CIB1: variants seen among roughly 807,000 people sequenced by gnomAD.
The protein encoded by CIB1 is calcium and integrin binding 1.
CIB1 carries 19 observed loss-of-function variants against 25.0 expected under a neutral mutation model. That is an observed-to-expected ratio of 0.76 (90% CI 0.53 to 1.12). The LOEUF (loss-of-function observed/expected upper bound fraction) is 1.12. Among genes scored for constraint, CIB1 ranks in the 50% most tolerant of loss-of-function variants. The pLI is 0.00. For missense variants in CIB1, 236 were observed against 242.6 expected (o/e 0.97, Z 0.18); for synonymous variants, 104 against 98.5 (o/e 1.06, Z -0.33).
the CIB1 span, chr15:90,241,446 C>T: frequency 5.0e-6 from 8 of 1,613,416 alleles, no homozygotes; most frequent in Admixed American, 1.7e-5. Flanking sequence ...GCTCCCCCAG[C>T]GCCTGCTGCC....
At chr15:90,253,498 C>G in the CIB1 span, 1 of 523,346 alleles carries the variant, frequency 1.9e-6, no homozygotes, top group Non-Finnish European at 3.4e-6. Flanking sequence ...AAGACCACCC[C>G]CAGGGTCTTC....
chr15:90,260,534 G>A, the CIB1 span, among the ~76,000 whole-genome samples: 1 of 151,476 alleles, frequency 6.6e-6, no homozygotes, highest in Non-Finnish European at 1.5e-5. Flanking sequence ...AAATATTGTT[G>A]CATTATTTCA....
Position 90,233,894 on chromosome 15 carries a change from C to T in CIB1, c.-9G>A. On this transcript the variant is annotated 5_prime_UTR_variant, in exon 1 of 7. Coordinates refer to ENST00000328649, the MANE Select transcript of CIB1 (RefSeq NM_006384.4). ...CTGCCCGAGCCCCCCATCGCCCCGC[C>T]GCGCGCACAGCTCCGCCAACTCGCC... The T allele has an allele frequency of 6.8e-7, 1 of 1,466,816 alleles. No individual in the cohort carries two copies. The highest frequency in any genetic ancestry group is 2.6e-5 in the Admixed American group (1 of 39,040). The allele number at this position is 1,466,816 out of a possible 1,614,324, so 90.9% of individuals were successfully genotyped here.
chr15:90,258,836 C>T, the CIB1 span: 328 of 1,613,996 alleles, frequency 2.0e-4, 1 homozygote, highest in Middle Eastern at 1.8e-3. Flanking sequence ...TGTCAACCTC[C>T]GGGGCTGTGA....
At chr15:90,263,817 G>C in the CIB1 span, 1 of 718,274 alleles carries the variant, frequency 1.4e-6, no homozygotes, top group Non-Finnish European at 2.5e-6. Flanking sequence ...TCCTAAGAGG[G>C]GCTGCCACAG....
the CIB1 span, among the ~76,000 whole-genome samples, chr15:90,256,617 CCTTCCTTCCTTCCTTCCTTCCTTCTTT>C: frequency 3.1e-4 from 18 of 57,822 alleles, no homozygotes; most frequent in African/African-American, 1.4e-3. Context: ...TTCCTTCCTT[CCTTCCTTCCTTCCTTCCTTCCTTCTTT>C]CTTTCTCCCT....
chr15:90,261,154 C>T, the CIB1 span, among the ~76,000 whole-genome samples: 411 of 150,616 alleles, frequency 2.7e-3, 1 homozygote, highest in Non-Finnish European at 5.0e-3. Flanking sequence ...TCTTGGCTCA[C>T]TGCAACTTCC....
the CIB1 span, chr15:90,245,008 C>G: frequency 6.6e-6 from 1 of 152,414 alleles, no homozygotes; most frequent in African/African-American, 2.4e-5. Context: ...GATTTCTCTG[C>G]CTCCCAAACT....
the CIB1 span, chr15:90,263,206 T>C: frequency 1.4e-6 from 2 of 1,419,564 alleles, no homozygotes; most frequent in Non-Finnish European, 1.9e-6. Context: ...TTCCAGGACA[T>C]GGTGTTGGTC....
At chr15:90,241,534 G>A in the CIB1 span, 16 of 1,613,556 alleles carry the variant, frequency 9.9e-6, no homozygotes, top group Non-Finnish European at 1.3e-5. Flanking sequence ...AACAGCCTGG[G>A]AGGCTTGGCC....
the CIB1 span, among the ~76,000 whole-genome samples, chr15:90,261,279 A>G: frequency 7.3e-5 from 11 of 150,954 alleles, 1 homozygote; most frequent in Middle Eastern, 0.021. Context: ...GGGTTTCGCT[A>G]TGTTGGCCAG....
chr15:90,263,113 C>A, the CIB1 span: 2 of 1,529,586 alleles, frequency 1.3e-6, no homozygotes, highest in South Asian at 1.2e-5. Flanking sequence ...GCACCCTGGC[C>A]CCCAGGGCCA....
chr15:90,231,033 G>A lies in CIB1; in HGVS notation c.466-11C>T, dbSNP rs1353563885. 2 of 1,613,666 alleles carry A rather than the reference G, an allele frequency of 1.2e-6. No individual in the cohort carries two copies. Among genetic ancestry groups the A allele is most frequent in the Non-Finnish European group, 1.7e-6 (2 of 1,179,596 alleles). Reference sequence around the variant, plus strand: ...AGACTCCTCCAGGATCTGGGAAAGGGAGAGTTTCAGGCCAGAGCCCCAACT... The same window carrying A: ...AGACTCCTCCAGGATCTGGGAAAGGAAGAGTTTCAGGCCAGAGCCCCAACT... On this transcript the variant is annotated splice_polypyrimidine_tract_variant and intron_variant, in intron 5 of 6. Coordinates refer to ENST00000328649, the MANE Select transcript of CIB1 (RefSeq NM_006384.4).
the CIB1 span, among the ~76,000 whole-genome samples, chr15:90,254,014 G>A: frequency 6.6e-6 from 1 of 152,150 alleles, no homozygotes; most frequent in Non-Finnish European, 1.5e-5. Flanking sequence ...AAGTTCTCAA[G>A]AAGCTCCAGA....
the CIB1 span, among the ~76,000 whole-genome samples, chr15:90,252,226 A>G: frequency 1.3e-5 from 2 of 152,052 alleles, no homozygotes; most frequent in South Asian, 4.1e-4. Flanking sequence ...TTTAGTAGAC[A>G]GAGTTTCTCC....
At chr15:90,238,023 G>A (rs1962671736), upstream of CIB1, among the ~76,000 whole-genome samples, 1 of 152,208 alleles carries the variant, frequency 6.6e-6, no homozygotes, top group Non-Finnish European at 1.5e-5. Flanking sequence ...TTTTTGGCCA[G>A]GTGCGGTGGC....
the CIB1 span, chr15:90,257,327 T>G: frequency 1.3e-6 from 2 of 1,578,528 alleles, no homozygotes; most frequent in Non-Finnish European, 8.6e-7. Context: ...CCAAAAGTGC[T>G]GAGGTTCTCT....
chr15:90,249,288 C>A, the CIB1 span, among the ~76,000 whole-genome samples: 1 of 151,054 alleles, frequency 6.6e-6, no homozygotes, highest in African/African-American at 2.4e-5. Flanking sequence ...ATATGCTTGG[C>A]CAAATTCCTT....
the CIB1 span, chr15:90,263,839 C>T: frequency 3.9e-6 from 3 of 774,268 alleles, no homozygotes; most frequent in East Asian, 2.7e-5. Context: ...GCAGGGCGCT[C>T]CTCATTTCCT....
Sources: allele counts gnomAD v4.1 joint callset (sites outside exome capture counted in the v4.1 genomes callset), GRCh38; gene constraint gnomAD v4.1.1; transcripts MANE v1.5; gene names NCBI Gene and HGNC (gene_info 2026-07-23, HGNC 2026-07-21).